LDLRAD4: variants seen among roughly 807,000 people sequenced by gnomAD.
LDLRAD4 encodes low-density lipoprotein receptor class A domain-containing protein 4.
A neutral mutation model predicts 17.0 loss-of-function variants in LDLRAD4; 5 were observed. The ratio of observed to expected loss-of-function variants is 0.29; its 90% CI spans 0.15 to 0.62. LDLRAD4 has a LOEUF of 0.62. LDLRAD4 is among the 20% of genes least tolerant of loss of function. The pLI is 0.84. For missense variants in LDLRAD4, 340 were observed against 424.7 expected (o/e 0.80, Z 1.75); for synonymous variants, 168 against 171.8 (o/e 0.98, Z 0.17).
At chr18:13,364,880 C>T (rs1465811630) in intron 1 of LDLRAD4, among the ~76,000 whole-genome samples, 4 of 152,282 alleles carry the variant, frequency 2.6e-5, no homozygotes, top group Admixed American at 6.5e-5. Flanking sequence ...CAGTTCCACT[C>T]GTGTGTTTGA....
intron 1 of LDLRAD4, among the ~76,000 whole-genome samples, chr18:13,370,185 C>T (rs746396086): frequency 2.0e-4 from 31 of 152,244 alleles, no homozygotes; most frequent in Admixed American, 2.0e-3. Flanking sequence ...CATGCGCCAG[C>T]ACACATTCAT....
At position 13,321,844 on chromosome 18, in the gene LDLRAD4, A is replaced by G. The variant is rs189478583; in HGVS notation, c.-383+43656A>G. 1.5e-3 allele frequency among the ~76,000 whole-genome samples: 187 copies of G among 126,008 alleles called. 1 individual carries two copies. Among genetic ancestry groups the G allele is most frequent in the Non-Finnish European group, 2.6e-3 (166 of 63,428 alleles). The allele number at this position is 126,008 out of a possible 152,430, so 82.7% of individuals were successfully genotyped here. Reference sequence around the variant, plus strand: ...CCATTGCACTCCAGCCCAGGCAACAACAGCGAGACTCCGTCTCAAAAAAAA... The same window carrying G: ...CCATTGCACTCCAGCCCAGGCAACAGCAGCGAGACTCCGTCTCAAAAAAAA... On this transcript the variant is annotated intron_variant, in intron 1 of 5. Transcript: ENST00000359446.
chr18:13,461,357 G>T, intron 3 of LDLRAD4: 1 of 152,410 alleles, frequency 6.6e-6, no homozygotes. Context: ...AGGAAGACGT[G>T]GGGATGGGGA....
At chr18:13,505,542 A>G (rs760274319) in intron 3 of LDLRAD4, among the ~76,000 whole-genome samples, 7 of 152,272 alleles carry the variant, frequency 4.6e-5, no homozygotes, top group Non-Finnish European at 1.0e-4. Context: ...TGACCTTGCC[A>G]GGCACGGTGG....
At chr18:13,559,423 T>A (rs2148185558) in intron 3 of LDLRAD4, among the ~76,000 whole-genome samples, 1 of 127,818 alleles carries the variant, frequency 7.8e-6, no homozygotes, top group African/African-American at 3.0e-5. Context: ...GTTAGTTACA[T>A]ATAAGGCCCA....
At chr18:13,349,748 G>A (rs190173611) in intron 1 of LDLRAD4, among the ~76,000 whole-genome samples, 1 of 152,208 alleles carries the variant, frequency 6.6e-6, no homozygotes, top group East Asian at 1.9e-4. Flanking sequence ...AGCCCCGCAT[G>A]CATTAGCTAT....
At chr18:13,647,365 T>C (rs991943582) in exon 6 of LDLRAD4, 2 of 152,154 alleles carry the variant, frequency 1.3e-5, no homozygotes, top group Non-Finnish European at 2.9e-5. Context: ...GAAGGGCTTA[T>C]CTGCAGTACA....
At chr18:13,570,532 G>A (rs1189531484) in intron 3 of LDLRAD4, among the ~76,000 whole-genome samples, 4 of 152,306 alleles carry the variant, frequency 2.6e-5, no homozygotes, top group Non-Finnish European at 5.9e-5. Context: ...TCTCAGCCGG[G>A]GACCTCCTTA....
At chr18:13,258,192 A>AT (rs1353045876) in intron 1 of LDLRAD4, among the ~76,000 whole-genome samples, 2 of 152,164 alleles carry the variant, frequency 1.3e-5, no homozygotes, top group African/African-American at 2.4e-5. Context: ...TCCAAAATCC[A>AT]TTTTTTCCCA....
chr18:13,233,521 G>A (rs2042186545), intron 1 of LDLRAD4, among the ~76,000 whole-genome samples: 1 of 152,148 alleles, frequency 6.6e-6, no homozygotes, highest in Non-Finnish European at 1.5e-5. Context: ...CACTGTCTCT[G>A]GTGCTGTTTT....
intron 1 of LDLRAD4, among the ~76,000 whole-genome samples, chr18:13,223,193 A>T (rs1026918889): frequency 1.3e-5 from 2 of 152,084 alleles, no homozygotes; most frequent in Non-Finnish European, 2.9e-5. Context: ...TGGGGACTGG[A>T]CGACTGAGTG....
intron 1 of LDLRAD4, among the ~76,000 whole-genome samples, chr18:13,321,766 C>A (rs2081232708): frequency 6.8e-6 from 1 of 147,816 alleles, no homozygotes; most frequent in African/African-American, 2.5e-5. Flanking sequence ...GAGGCTGAGG[C>A]AGGACAATTG....
intron 1 of LDLRAD4, among the ~76,000 whole-genome samples, chr18:13,373,339 G>GTATA (rs2084663345): frequency 6.6e-6 from 1 of 152,100 alleles, no homozygotes; most frequent in Admixed American, 6.5e-5. Context: ...ATACACATAT[G>GTATA]TATAAATATA....
intron 3 of LDLRAD4, among the ~76,000 whole-genome samples, chr18:13,608,344 A>C (rs1422164844): frequency 6.6e-6 from 1 of 150,828 alleles, no homozygotes; most frequent in Non-Finnish European, 1.5e-5. Context: ...GGGGGAGGCA[A>C]CTGGAGGGGG....
At chr18:13,492,382 A>T (rs964806784) in intron 3 of LDLRAD4, among the ~76,000 whole-genome samples, 3 of 152,194 alleles carry the variant, frequency 2.0e-5, no homozygotes, top group African/African-American at 7.2e-5. Context: ...ACAGCCCAGC[A>T]TTGCTGTAAT....
intron 3 of LDLRAD4, among the ~76,000 whole-genome samples, chr18:13,482,054 T>C (rs1600704779): frequency 6.6e-6 from 1 of 151,386 alleles, no homozygotes; most frequent in Non-Finnish European, 1.5e-5. Flanking sequence ...AGAGTGAGCG[T>C]CTCTGTGGCC....
At chr18:13,407,457 A>G (rs925220736) in intron 2 of LDLRAD4, among the ~76,000 whole-genome samples, 3 of 152,240 alleles carry the variant, frequency 2.0e-5, no homozygotes, top group Non-Finnish European at 4.4e-5. Flanking sequence ...AAGACAATGC[A>G]TTGTGCCTCA....
intron 2 of LDLRAD4, among the ~76,000 whole-genome samples, chr18:13,432,496 C>G (rs1168817640): frequency 6.6e-6 from 1 of 152,160 alleles, no homozygotes; most frequent in Non-Finnish European, 1.5e-5. Flanking sequence ...GTTTTAGAAG[C>G]AGGAGAGTGG....
intron 4 of LDLRAD4, among the ~76,000 whole-genome samples, chr18:13,627,026 T>G (rs2041230697): frequency 6.6e-6 from 1 of 152,180 alleles, no homozygotes; most frequent in African/African-American, 2.4e-5. Context: ...TCTCAGCACT[T>G]TGGGAGGCCG....
Sources: gnomAD v4.1 joint callset for allele counts (sites outside exome capture counted in the v4.1 genomes callset) on GRCh38, gnomAD v4.1.1 for gene constraint, MANE v1.5 for transcripts, NCBI Gene and HGNC (gene_info 2026-07-23, HGNC 2026-07-21) for gene names.